Variants in SPNS2 observed in about 807,000 individuals in gnomAD.
The protein encoded by SPNS2 is SPNS lysolipid transporter 2, sphingosine-1-phosphate.
SPNS2 carries 37 observed loss-of-function variants against 57.6 expected under a neutral mutation model. The observed-to-expected ratio is 0.64, with a 90% CI of 0.49 to 0.85. The LOEUF is 0.85. Ranked by LOEUF, SPNS2 falls within the 40% of genes least tolerant of loss-of-function variation. The probability of loss-of-function intolerance (pLI) is 0.00; values close to 1 mark genes in which losing one functional copy is unlikely to be tolerated. For missense variants in SPNS2, 831 were observed against 779.1 expected (o/e 1.07, Z -0.79); for synonymous variants, 440 against 346.9 (o/e 1.27, Z -2.98).
intron 2 of SPNS2, among the ~76,000 whole-genome samples, chr17:4,514,244 T>C (rs1333811909): frequency 6.6e-6 from 1 of 152,148 alleles, no homozygotes; most frequent in Non-Finnish European, 1.5e-5. Context: ...GATCCTGCTT[T>C]CTCTGGGCCC....
rs1175909054 is a variant in SPNS2, at chr17:4,499,176, G to A, written c.129G>A (p.Arg43=). 1 of 1,239,022 alleles carries A rather than the reference G, an allele frequency of 8.1e-7. No homozygotes were observed. The highest frequency in any genetic ancestry group is 1.0e-6 in the Non-Finnish European group (1 of 992,842). 76.8% of individuals were successfully genotyped at this position (1,239,022 alleles called of 1,614,324 possible). ...GAGGSGCCGA[R]GAGGAGVSAA... ...GCGGTAGCGGTTGCTGCGGGGCGCGGGGCGCGGGCGGCGCTGGAGTCTCGG... is the reference window on the plus strand; with the variant it reads ...GCGGTAGCGGTTGCTGCGGGGCGCGAGGCGCGGGCGGCGCTGGAGTCTCGG... Residue 43 remains arginine, a synonymous_variant, in exon 1 of 13, where the codon CGG becomes CGA. Transcript: ENST00000329078. The surrounding 1 kb of genome is among the most constrained non-coding windows in gnomAD (Gnocchi z 5.2).
intron 1 of SPNS2, among the ~76,000 whole-genome samples, chr17:4,508,744 T>C (rs901747728): frequency 1.3e-5 from 2 of 152,228 alleles, no homozygotes; most frequent in African/African-American, 4.8e-5. Flanking sequence ...TGGATATGTG[T>C]CAATATGTGC....
intron 2 of SPNS2, among the ~76,000 whole-genome samples, chr17:4,521,014 GTTAAGTA>G (rs1199837915): frequency 6.6e-6 from 1 of 152,136 alleles, no homozygotes; most frequent in Admixed American, 6.5e-5. Context: ...TATTCTTGAT[GTTAAGTA>G]TTATCTTAGC....
intron 1 of SPNS2, among the ~76,000 whole-genome samples, chr17:4,501,707 T>C (rs1461155817): frequency 6.6e-6 from 1 of 152,206 alleles, no homozygotes; most frequent in Non-Finnish European, 1.5e-5. Context: ...TGGTAACTAC[T>C]ATGGCTTGAT....
intron 4 of SPNS2, 116 bp downstream of exon 4, chr17:4,530,899 C>A: frequency 1.4e-6 from 2 of 1,479,190 alleles, no homozygotes; most frequent in Non-Finnish European, 1.8e-6. Context: ...GAGAGCTAAA[C>A]ATGTGGGCGG....
At chr17:4,518,147 T>A (rs1030154906) in intron 2 of SPNS2, among the ~76,000 whole-genome samples, 1 of 151,996 alleles carries the variant, frequency 6.6e-6, no homozygotes, top group Admixed American at 6.6e-5. Context: ...GTGAAAGGCT[T>A]GAAGGCCAAG....
chr17:4,522,856 GC>G (rs1905173307), intron 2 of SPNS2, among the ~76,000 whole-genome samples: 1 of 152,246 alleles, frequency 6.6e-6, no homozygotes, highest in Non-Finnish European at 1.5e-5. Flanking sequence ...CCCATCACTG[GC>G]AGTGGCCTCC....
chr17:4,530,692 A>G lies in SPNS2; in HGVS notation c.634A>G (p.Thr212Ala). 2 of 1,613,896 alleles carry G rather than the reference A, an allele frequency of 1.2e-6. No homozygotes were observed. The highest frequency in any genetic ancestry group is 1.7e-6 in the Non-Finnish European group (2 of 1,179,924). The part of the protein sequence containing the change: ...LVGIGEASYS[T>A]IAPTIIGDLF... ...GGGCATCGGGGAGGCCAGCTACTCC[A>G]CCATCGCCCCCACTATCATTGGCGA... is the stretch of plus-strand genomic sequence containing the variant. Residue 212 changes from threonine (T) to alanine (A), a missense_variant, in exon 4 of 13, where the codon ACC becomes GCC. Thr to Ala is a moderately conservative substitution (Grantham distance 58, BLOSUM62 0). Transcript: ENST00000329078.
chr17:4,531,652 G>T (rs1318981511), intron 5 of SPNS2, among the ~76,000 whole-genome samples: 1 of 152,058 alleles, frequency 6.6e-6, no homozygotes, highest in Non-Finnish European at 1.5e-5. Flanking sequence ...CTAAAAGCAG[G>T]AAGGAAGCGG....
intron 2 of SPNS2, among the ~76,000 whole-genome samples, chr17:4,520,847 C>G (rs1340885881): frequency 2.0e-5 from 3 of 152,156 alleles, no homozygotes; most frequent in African/African-American, 7.2e-5. Context: ...ATGAAGAGAA[C>G]AGAATCAAAA....
chr17:4,500,783 A>C (rs542537804), intron 1 of SPNS2, among the ~76,000 whole-genome samples: 6 of 152,156 alleles, frequency 3.9e-5, no homozygotes, highest in Middle Eastern at 3.4e-3. Context: ...TTCTGATGGG[A>C]GGGCAGAGGC....
intron 1 of SPNS2, among the ~76,000 whole-genome samples, chr17:4,504,759 T>G (rs1421406715): frequency 6.6e-6 from 1 of 152,182 alleles, no homozygotes; most frequent in Non-Finnish European, 1.5e-5. Context: ...TCCAAATGTC[T>G]TCTGGGCTGA....
At chr17:4,531,788 G>A (rs969014792) in intron 5 of SPNS2, among the ~76,000 whole-genome samples, 2 of 151,976 alleles carry the variant, frequency 1.3e-5, no homozygotes, top group African/African-American at 2.4e-5. Context: ...TGCGGGGCTG[G>A]TGAGATGGAA....
At chr17:4,530,497 G>A (rs1293904407) in intron 3 of SPNS2, 135 bp from the exon 4 acceptor site, 10 of 1,051,724 alleles carry the variant, frequency 9.5e-6, no homozygotes, top group Non-Finnish European at 1.4e-5. Flanking sequence ...TTACGGAGGT[G>A]CAGCCCACCA....
At chr17:4,532,267 C>T (rs924923847) in intron 5 of SPNS2, among the ~76,000 whole-genome samples, 1 of 152,174 alleles carries the variant, frequency 6.6e-6, no homozygotes, top group Non-Finnish European at 1.5e-5. Context: ...CTCCACTCAC[C>T]CACCCCTCCT....
chr17:4,524,626 G>T (rs1905219228), intron 2 of SPNS2, among the ~76,000 whole-genome samples: 1 of 152,246 alleles, frequency 6.6e-6, no homozygotes, highest in African/African-American at 2.4e-5. Flanking sequence ...GGAGGTTGCA[G>T]TGAGCCGAGA....
At chr17:4,529,001 A>T (rs147626715) in intron 3 of SPNS2, among the ~76,000 whole-genome samples, 1 of 151,650 alleles carries the variant, frequency 6.6e-6, no homozygotes. Flanking sequence ...CAGTGGCGCA[A>T]TCTTGGCTCA....
chr17:4,516,331 A>C (rs8064363), intron 2 of SPNS2, among the ~76,000 whole-genome samples: 41,871 of 113,310 alleles, frequency 0.37, 8,058 homozygotes, highest in Non-Finnish European at 0.47. Flanking sequence ...AAAAAAAAAA[A>C]AAAAAAAAAA....
chr17:4,523,299 G>A (rs995194621), intron 2 of SPNS2, among the ~76,000 whole-genome samples: 3 of 152,038 alleles, frequency 2.0e-5, no homozygotes, highest in African/African-American at 7.2e-5. Context: ...TTAGCTGGGC[G>A]TGGTGGCAGG....
Sources: allele counts gnomAD v4.1 joint callset (sites outside exome capture counted in the v4.1 genomes callset), GRCh38; gene constraint gnomAD v4.1.1; non-coding constraint Gnocchi (gnomAD v3.1); transcripts MANE v1.5; gene names NCBI Gene and HGNC (gene_info 2026-07-23, HGNC 2026-07-21).